GLG1: variants seen among roughly 807,000 people sequenced by gnomAD.
GLG1 encodes golgi glycoprotein 1, also known as Golgi apparatus protein 1.
A neutral mutation model predicts 160.5 loss-of-function variants in GLG1; 38 were observed. The ratio of observed to expected loss-of-function variants is 0.24; its 90% CI spans 0.18 to 0.31. The LOEUF is 0.31. Among genes scored for constraint, GLG1 ranks in the 10% least tolerant of loss-of-function variants. GLG1 has a pLI of 1.00. For missense variants in GLG1, 1,373 were observed against 1,505.2 expected, an observed-to-expected ratio of 0.91 and a Z score of 1.45; for synonymous variants, 644 against 543.4, an observed-to-expected ratio of 1.19 and a Z score of -2.57.
In GLG1 at chr16:74,480,224, C is replaced by T. The variant is rs754322639; in HGVS notation, c.1827+17G>A. The T allele has an allele frequency of 3.7e-5, 58 of 1,576,470 alleles. No individual in the cohort carries two copies. The East Asian group carries it at 1.1e-3, about 29-fold the overall frequency. ...AAATGACAAGAAGAAGAAATGAAGTCGATATTCACTGCATACCCTCCTTCC... is the reference window on the plus strand; with the variant it reads ...AAATGACAAGAAGAAGAAATGAAGTTGATATTCACTGCATACCCTCCTTCC... On this transcript the variant is annotated intron_variant, in intron 11 of 25. Transcript: ENST00000422840.
At chr16:74,459,251 G>C (rs1219591090) in intron 23 of GLG1, among the ~76,000 whole-genome samples, 2 of 152,150 alleles carry the variant, frequency 1.3e-5, no homozygotes, top group African/African-American at 4.8e-5. Context: ...GGCCGAGGCG[G>C]GTGGATCACG....
intron 1 of GLG1, among the ~76,000 whole-genome samples, chr16:74,587,588 G>A (rs958813531): frequency 6.6e-5 from 10 of 152,214 alleles, no homozygotes; most frequent in African/African-American, 2.4e-4. Context: ...AGCTATTACG[G>A]CTGGGCACGG....
At chr16:74,537,125 T>C (rs1365337906) in intron 1 of GLG1, among the ~76,000 whole-genome samples, 1 of 152,206 alleles carries the variant, frequency 6.6e-6, no homozygotes, top group Non-Finnish European at 1.5e-5. Flanking sequence ...ATTCCTGACA[T>C]TGCATATATT....
chr16:74,494,882 T>C, intron 5 of GLG1, 51 bp from the exon 6 acceptor site: 2 of 890,990 alleles, frequency 2.2e-6, no homozygotes, highest in Non-Finnish European at 3.8e-6. Context: ...ATAGTTATGC[T>C]GAACATTATC....
chr16:74,566,673 G>A (rs1370280909), intron 1 of GLG1, among the ~76,000 whole-genome samples: 1 of 151,734 alleles, frequency 6.6e-6, no homozygotes, highest in Non-Finnish European at 1.5e-5. Flanking sequence ...ATATCCTTTA[G>A]TCATACTATT....
intron 1 of GLG1, among the ~76,000 whole-genome samples, chr16:74,572,776 C>A (rs1033951482): frequency 9.2e-5 from 14 of 152,106 alleles, no homozygotes; most frequent in Admixed American, 3.3e-4. Flanking sequence ...ATTCACTGAA[C>A]CCAAGGATAG....
chr16:74,586,147 G>C (rs1036677450), intron 1 of GLG1, among the ~76,000 whole-genome samples: 3 of 151,610 alleles, frequency 2.0e-5, no homozygotes, highest in South Asian at 4.2e-4. Flanking sequence ...GTTAGAAAGA[G>C]CTGATAAGGA....
chr16:74,555,246 CTT>C (rs1259890193), intron 1 of GLG1, among the ~76,000 whole-genome samples: 1 of 152,086 alleles, frequency 6.6e-6, no homozygotes, highest in Non-Finnish European at 1.5e-5. Flanking sequence ...AAATTATAAT[CTT>C]GTCTTATCTA....
In GLG1 at chr16:74,606,663, C is replaced by A. The variant is rs766325975; in HGVS notation, c.432G>T (p.Val144=). Residue 144 remains valine, a synonymous_variant, in exon 1 of 26, where the codon GTG becomes GTT. Transcript: ENST00000422840. ...CTTCGTCCCACCTCCTCACCTCCCTCACATCCTGCAGGCACTCGAGCACCG... is the reference window on the plus strand; with the variant it reads ...CTTCGTCCCACCTCCTCACCTCCCTAACATCCTGCAGGCACTCGAGCACCG... The part of the protein sequence containing the change: ...NLAVLECLQD[V]REPENEISSD... 6.4e-7 allele frequency: 1 copy of A among 1,568,998 alleles called. No individual in the cohort carries two copies. The highest frequency in any genetic ancestry group is 1.3e-5 in the African/African-American group (1 of 74,106).
Position 74,450,388 on chromosome 16 carries a change from G to A in GLG1, c.*2779C>T, listed in dbSNP as rs1567447635. ...GGACTTAATGAGTGCGGCCAGTTCA[G>A]ACTTTGCTGGCCTTGGCACTTAGAA... On this transcript the variant is annotated 3_prime_UTR_variant, in exon 26 of 26. Coordinates refer to ENST00000422840, the MANE Select transcript of GLG1 (RefSeq NM_001145667.2). 6.6e-6 allele frequency: 1 copy of A among 152,202 alleles called. No homozygotes were observed. Among genetic ancestry groups the A allele is most frequent in the African/African-American group, 2.4e-5 (1 of 41,446 alleles). The allele number at this position is 152,202 out of a possible 1,614,324, so 9.4% of individuals were successfully genotyped here.
chr16:74,483,512 T>C (rs1304277850), intron 9 of GLG1, among the ~76,000 whole-genome samples: 1 of 152,220 alleles, frequency 6.6e-6, no homozygotes, highest in Admixed American at 6.5e-5. Flanking sequence ...AAATCCCAGA[T>C]ACTCCATCAT....
intron 18 of GLG1, among the ~76,000 whole-genome samples, chr16:74,467,116 C>A (rs1421120452): frequency 6.6e-6 from 1 of 152,164 alleles, no homozygotes; most frequent in African/African-American, 2.4e-5. Flanking sequence ...CTATCAGAAA[C>A]AGATTAACTA....
At chr16:74,495,220 T>C (rs887786082) in intron 5 of GLG1, among the ~76,000 whole-genome samples, 1 of 150,848 alleles carries the variant, frequency 6.6e-6, no homozygotes, top group African/African-American at 2.4e-5. Context: ...TTCAAGCAAT[T>C]CTCCTGCCTC....
At chr16:74,548,158 G>A (rs1382413309) in intron 1 of GLG1, among the ~76,000 whole-genome samples, 1 of 152,182 alleles carries the variant, frequency 6.6e-6, no homozygotes, top group African/African-American at 2.4e-5. Context: ...CTCACAACGA[G>A]CACTTTAGCT....
intron 6 of GLG1, among the ~76,000 whole-genome samples, chr16:74,494,403 C>CTTT (rs3973383): frequency 2.4e-4 from 17 of 70,116 alleles, no homozygotes; most frequent in Non-Finnish European, 3.3e-4. Flanking sequence ...ATTGAGAAAG[C>CTTT]TTTTTTTTTT....
In GLG1 at chr16:74,527,194, T is replaced by C. The variant is rs542510804; in HGVS notation, c.471+4927A>G. On this transcript the variant is annotated intron_variant, in intron 2 of 25. Coordinates refer to ENST00000422840, the MANE Select transcript of GLG1 (RefSeq NM_001145667.2). ...GCTACTGTTGTCATATATTTTATTC[T>C]ACATGTTATAATCTGAAAGTATACT... 4.0e-5 allele frequency among the ~76,000 whole-genome samples: 6 copies of C among 151,770 alleles called. No homozygotes were observed. In the East Asian group the frequency reaches 7.7e-4, roughly 20 times the overall value.
chr16:74,514,471 G>C (rs1259640444), intron 2 of GLG1, among the ~76,000 whole-genome samples: 1 of 152,216 alleles, frequency 6.6e-6, no homozygotes, highest in Non-Finnish European at 1.5e-5. Flanking sequence ...CAAGACGAGA[G>C]TGGGGGCCAA....
At chr16:74,510,365 T>C (rs2016765032) in intron 2 of GLG1, among the ~76,000 whole-genome samples, 1 of 152,150 alleles carries the variant, frequency 6.6e-6, no homozygotes, top group African/African-American at 2.4e-5. Context: ...TTTTAACACA[T>C]GTTACACTAG....
chr16:74,569,726 G>T (rs1320996282), intron 1 of GLG1, among the ~76,000 whole-genome samples: 1 of 152,024 alleles, frequency 6.6e-6, no homozygotes, highest in Non-Finnish European at 1.5e-5. Context: ...AGCTGGGCAT[G>T]GTGGGGCTCA....
Sources: allele counts gnomAD v4.1 joint callset (sites outside exome capture counted in the v4.1 genomes callset), GRCh38; gene constraint gnomAD v4.1.1; transcripts MANE v1.5; gene names NCBI Gene and HGNC (gene_info 2026-07-23, HGNC 2026-07-21).